Variants in ANO10 observed in about 807,000 individuals in gnomAD.
The protein encoded by ANO10 is anoctamin 10.
Under a neutral mutation model 74.7 loss-of-function variants are expected in ANO10, and 77 were observed. That is an observed-to-expected ratio of 1.03 (90% CI 0.86 to 1.25). The LOEUF (loss-of-function observed/expected upper bound fraction) is 1.25, where lower values mean the gene tolerates loss of function less well. ANO10 is among the 50% of genes most tolerant of loss of function. The probability of loss-of-function intolerance (pLI) is 0.00; values close to 1 mark genes in which losing one functional copy is unlikely to be tolerated. For synonymous variants in ANO10, 279 were observed against 284.9 expected (o/e 0.98, Z 0.21); for missense variants, 721 against 778.1 (o/e 0.93, Z 0.87).
Position 43,366,653 on chromosome 3 carries a change from A to G in ANO10, c.*253T>C. On this transcript the variant is annotated 3_prime_UTR_variant, in exon 13 of 13. Transcript: ENST00000292246. Reference sequence around the variant, plus strand: ...GCTCTGCAGCAAAGTTGGCAGCTGGAGCAGCGTGTGGGGCCCGGGAAGGAA... The same window carrying G: ...GCTCTGCAGCAAAGTTGGCAGCTGGGGCAGCGTGTGGGGCCCGGGAAGGAA... 1.8e-6 allele frequency: 1 copy of G among 566,548 alleles called. No individual in the cohort carries two copies. Among genetic ancestry groups the G allele is most frequent in the Non-Finnish European group, 3.2e-6 (1 of 315,648 alleles). The allele number at this position is 566,548 out of a possible 1,614,324, so 35.1% of individuals were successfully genotyped here.
At chr3:43,658,664 T>G (rs1203437816) in intron 1 of ANO10, among the ~76,000 whole-genome samples, 1 of 152,038 alleles carries the variant, frequency 6.6e-6, no homozygotes, top group Non-Finnish European at 1.5e-5. Context: ...GAGACGGGAT[T>G]TCACCACGTT....
intron 1 of ANO10, among the ~76,000 whole-genome samples, chr3:43,631,766 A>AG (rs2083550402): frequency 6.6e-6 from 1 of 151,748 alleles, no homozygotes; most frequent in African/African-American, 2.4e-5. Flanking sequence ...AAAAAAAAAA[A>AG]AAGAAGAAAG....
At chr3:43,539,466 T>C (rs1256511442) in intron 11 of ANO10, among the ~76,000 whole-genome samples, 1 of 152,168 alleles carries the variant, frequency 6.6e-6, no homozygotes, top group African/African-American at 2.4e-5. Context: ...AAGTTAACTG[T>C]CATGCAAGAA....
chr3:43,565,831 G>T, intron 7 of ANO10, 104 bp from the exon 8 acceptor site: 1 of 1,223,434 alleles, frequency 8.2e-7, no homozygotes, highest in Non-Finnish European at 1.2e-6. Flanking sequence ...GCGGGGAGGA[G>T]CCAAGAGGGC....
chr3:43,568,419 G>A (rs2080495531), intron 7 of ANO10, among the ~76,000 whole-genome samples: 1 of 151,966 alleles, frequency 6.6e-6, no homozygotes, highest in Non-Finnish European at 1.5e-5. Context: ...TTCCAAAATT[G>A]ACCACATAGT....
intron 3 of ANO10, 96 bp from the exon 4 acceptor site, chr3:43,598,762 C>A: frequency 1.0e-6 from 1 of 975,416 alleles, no homozygotes; most frequent in South Asian, 1.6e-5. Context: ...AAACAATAAG[C>A]AATTAACATA....
intron 11 of ANO10, among the ~76,000 whole-genome samples, chr3:43,524,029 C>T (rs1048116075): frequency 1.3e-5 from 2 of 152,004 alleles, no homozygotes; most frequent in African/African-American, 2.4e-5. Context: ...ATAAGCTCAC[C>T]TAGGGGCTAC....
chr3:43,593,308 T>C (rs1021354874), intron 4 of ANO10, among the ~76,000 whole-genome samples: 3 of 152,108 alleles, frequency 2.0e-5, no homozygotes, highest in Non-Finnish European at 4.4e-5. Context: ...ACATAATTGT[T>C]AGATTCACCA....
chr3:43,689,850 A>C (rs560440881), intron 1 of ANO10, among the ~76,000 whole-genome samples: 30 of 152,284 alleles, frequency 2.0e-4, no homozygotes, highest in Admixed American at 6.5e-4. Flanking sequence ...TCAAAACAGG[A>C]GCAGTATTTC....
rs569073367 is a variant in ANO10, at chr3:43,399,034, C to G, written c.1915-32060G>C. 1.5e-4 allele frequency among the ~76,000 whole-genome samples: 23 copies of G among 152,248 alleles called. No individual in the cohort carries two copies. In the East Asian group the frequency reaches 4.1e-3, roughly 27 times the overall value. On this transcript the variant is annotated intron_variant, in intron 12 of 12. Transcript: ENST00000292246. ...GTAGAGATGGGGTTTCGCCATGTTGCCCAGGCTGGTCTCGAACTTCTGGGC... is the reference window on the plus strand; with the variant it reads ...GTAGAGATGGGGTTTCGCCATGTTGGCCAGGCTGGTCTCGAACTTCTGGGC...
intron 2 of ANO10, among the ~76,000 whole-genome samples, chr3:43,604,019 A>G (rs2082448200): frequency 6.6e-6 from 1 of 152,190 alleles, no homozygotes; most frequent in Non-Finnish European, 1.5e-5. Context: ...GACCATCTCC[A>G]GAGAATAAAC....
intron 1 of ANO10, among the ~76,000 whole-genome samples, chr3:43,657,172 A>G (rs1029733733): frequency 6.6e-6 from 1 of 152,252 alleles, no homozygotes; most frequent in African/African-American, 2.4e-5. Context: ...AGCTCTAAGA[A>G]GCTTGAAACT....
chr3:43,682,975 T>C (rs1166559849), intron 1 of ANO10, among the ~76,000 whole-genome samples: 1 of 152,170 alleles, frequency 6.6e-6, no homozygotes, highest in Non-Finnish European at 1.5e-5. Flanking sequence ...GCCAATATCA[T>C]ACTGAATGGG....
At chr3:43,667,270 T>C (rs559179009) in intron 1 of ANO10, among the ~76,000 whole-genome samples, 1 of 152,026 alleles carries the variant, frequency 6.6e-6, no homozygotes, top group South Asian at 2.1e-4. Flanking sequence ...TTTGCATTTT[T>C]AGTAGAGACA....
At chr3:43,469,299 G>GC (rs1300254430) in intron 11 of ANO10, among the ~76,000 whole-genome samples, 7 of 151,890 alleles carry the variant, frequency 4.6e-5, no homozygotes, top group African/African-American at 1.4e-4. Context: ...ACCCACCTTG[G>GC]CCTCCCAAAC....
chr3:43,597,286 C>A (rs1329375760), intron 4 of ANO10, among the ~76,000 whole-genome samples: 1 of 152,218 alleles, frequency 6.6e-6, no homozygotes, highest in Non-Finnish European at 1.5e-5. Context: ...GATTATAAAT[C>A]ATGCTGCTAT....
At chr3:43,584,355 A>T (rs530900051) in intron 4 of ANO10, among the ~76,000 whole-genome samples, 1 of 152,326 alleles carries the variant, frequency 6.6e-6, no homozygotes, top group East Asian at 1.9e-4. Context: ...TATCATAGCC[A>T]TGTAGCCATA....
rs2080019650 is a variant in ANO10 at position 43,561,282 on chromosome 3, C to T, written c.1414G>A (p.Ala472Thr). Residue 472 changes from alanine (A) to threonine (T), a missense_variant, in exon 9 of 13, where the codon GCA becomes ACA. Coordinates refer to ENST00000292246, the MANE Select transcript of ANO10 (RefSeq NM_018075.5). ...TCATATAATGTAGCATCAATGTCTG[C>T]CTTTAAAGCCTGCACCTTCCTCTTC... ...RVKRKVQALK[A>T]DIDATLYEQV... The T allele has an allele frequency of 6.2e-7, 1 of 1,614,150 alleles. No homozygotes were observed. The highest frequency in any genetic ancestry group is 2.2e-5 in the East Asian group (1 of 44,874).
At chr3:43,583,572 T>G (rs1430365252) in intron 4 of ANO10, among the ~76,000 whole-genome samples, 1 of 152,252 alleles carries the variant, frequency 6.6e-6, no homozygotes, top group Non-Finnish European at 1.5e-5. Flanking sequence ...ATGTGATGTG[T>G]TTACTTCAAA....
Sources: gnomAD v4.1 joint callset for allele counts (sites outside exome capture counted in the v4.1 genomes callset) on GRCh38, gnomAD v4.1.1 for gene constraint, MANE v1.5 for transcripts, NCBI Gene and HGNC (gene_info 2026-07-23, HGNC 2026-07-21) for gene names.